Variants in CHSY3 observed in about 807,000 individuals in gnomAD.
The protein encoded by CHSY3 is N-acetylgalactosaminyl-proteoglycan 3-beta-glucuronosyltransferase 3.
A neutral mutation model predicts 67.2 loss-of-function variants in CHSY3; 35 were observed. The ratio of observed to expected loss-of-function variants is 0.52; its 90% CI spans 0.40 to 0.69. The LOEUF is 0.69. CHSY3 is among the 30% of genes least tolerant of loss of function. The pLI, the probability that CHSY3 is intolerant of heterozygous loss-of-function variation, is 0.00. For missense variants in CHSY3, 1,069 were observed against 1,138.5 expected, an observed-to-expected ratio of 0.94 and a Z score of 0.88; for synonymous variants, 474 against 434.7, an observed-to-expected ratio of 1.09 and a Z score of -1.12.
At chr5:129,982,329 C>G (rs1303082428) in intron 2 of CHSY3, among the ~76,000 whole-genome samples, 1 of 151,954 alleles carries the variant, frequency 6.6e-6, no homozygotes, top group South Asian at 2.1e-4. Flanking sequence ...GAACTCTACT[C>G]TAAAATGGTT....
rs184410067 is a variant in CHSY3 at position 130,104,331 on chromosome 5, G to A, written c.1087-79898G>A. ...TTTCTCATGGGAATCCTTTCTCACC[G>A]AAGAGTTACTTTACACGTGGTTTCA... is the stretch of plus-strand genomic sequence containing the variant. On this transcript the variant is annotated intron_variant, in intron 2 of 2. Coordinates refer to ENST00000305031, the MANE Select transcript of CHSY3 (RefSeq NM_175856.5). 1.1e-4 allele frequency among the ~76,000 whole-genome samples: 16 copies of A among 151,956 alleles called. No homozygotes were observed. The East Asian group carries it at 3.1e-3, about 29-fold the overall frequency.
intron 2 of CHSY3, among the ~76,000 whole-genome samples, chr5:130,086,433 C>G (rs1018691939): frequency 6.6e-6 from 1 of 151,692 alleles, no homozygotes; most frequent in Non-Finnish European, 1.5e-5. Flanking sequence ...GGATTGCAAC[C>G]CCTGCCTTTT....
intron 2 of CHSY3, among the ~76,000 whole-genome samples, chr5:130,051,665 G>A (rs529425957): frequency 6.6e-6 from 1 of 152,038 alleles, no homozygotes; most frequent in African/African-American, 2.4e-5. Flanking sequence ...TTGAGGAAAG[G>A]AAAAAAACTT....
chr5:129,948,707 T>C (rs1362058744), intron 2 of CHSY3, among the ~76,000 whole-genome samples: 1 of 152,216 alleles, frequency 6.6e-6, no homozygotes, highest in Non-Finnish European at 1.5e-5. Flanking sequence ...TACCCAGTAG[T>C]GGGATTGCTG....
At chr5:130,027,460 A>G (rs1016944386) in intron 2 of CHSY3, among the ~76,000 whole-genome samples, 5 of 151,990 alleles carry the variant, frequency 3.3e-5, no homozygotes, top group Non-Finnish European at 7.4e-5. Context: ...TTACATCTTA[A>G]TATATATTTT....
chr5:130,044,109 AG>A (rs1024518138), intron 2 of CHSY3, among the ~76,000 whole-genome samples: 9 of 152,176 alleles, frequency 5.9e-5, no homozygotes, highest in African/African-American at 2.2e-4. Flanking sequence ...TTAAAGGCCC[AG>A]GGTGAGATAA....
chr5:130,000,048 T>C (rs1399421296), intron 2 of CHSY3, among the ~76,000 whole-genome samples: 17 of 152,220 alleles, frequency 1.1e-4, no homozygotes, highest in Non-Finnish European at 1.8e-4. Context: ...CAGAAACAGC[T>C]AACTTTGAAC....
chr5:130,021,609 A>G (rs896753750), intron 2 of CHSY3, among the ~76,000 whole-genome samples: 5 of 152,140 alleles, frequency 3.3e-5, no homozygotes, highest in Admixed American at 2.6e-4. Context: ...ATACATATAT[A>G]CAAACATCAT....
chr5:130,143,797 T>A, intron 2 of CHSY3, among the ~76,000 whole-genome samples: 2 of 91,754 alleles, frequency 2.2e-5, no homozygotes, highest in South Asian at 8.8e-4. Context: ...TATATATATA[T>A]ATATATATGT....
In CHSY3 at chr5:130,184,818, G is replaced by A. The variant is rs150527948; in HGVS notation, c.1676G>A (p.Arg559His). Reference protein sequence around the residue: ...KGRKLTVPVRRHAYLQQLFSK... With the variant: ...KGRKLTVPVRHHAYLQQLFSK... ...AGGAAACTGACTGTGCCAGTGAGAC[G>A]TCATGCCTATCTTCAGCAGTTGTTC... The change falls in exon 3 of 3, where the codon CGT becomes CAT. Residue 559 changes from arginine (R) to histidine (H), a missense_variant. Physicochemically the swap from Arg to His is conservative, Grantham distance 29 (BLOSUM62 0). Coordinates refer to ENST00000305031, the MANE Select transcript of CHSY3 (RefSeq NM_175856.5). The A allele has an allele frequency of 5.6e-6, 9 of 1,610,522 alleles. No homozygotes were observed. The highest frequency in any genetic ancestry group is 4.0e-5 in the African/African-American group (3 of 74,856).
intron 2 of CHSY3, among the ~76,000 whole-genome samples, chr5:130,024,632 A>G (rs1032695728): frequency 6.6e-6 from 1 of 152,144 alleles, no homozygotes; most frequent in Admixed American, 6.6e-5. Flanking sequence ...TATTGACAAT[A>G]TGGAGAGTTA....
At chr5:129,905,736 C>T (rs1337437975) in intron 1 of CHSY3, 105 bp downstream of exon 1, 7 of 1,526,584 alleles carry the variant, frequency 4.6e-6, no homozygotes, top group Admixed American at 3.9e-5. Flanking sequence ...TCTGCCAGCA[C>T]GTGCTTCGGG....
intron 2 of CHSY3, among the ~76,000 whole-genome samples, chr5:130,069,291 A>G (rs973103603): frequency 6.6e-6 from 1 of 152,012 alleles, no homozygotes; most frequent in Non-Finnish European, 1.5e-5. Flanking sequence ...TTGATCTATG[A>G]CCAATAAAAT....
rs35333880 is a variant in CHSY3 at position 129,919,113 on chromosome 5, C to CAAAAA, written c.1086+10773_1086+10777dup. Among the ~76,000 whole-genome samples the CAAAAA allele has an allele frequency of 5.2e-4, 38 of 73,362 alleles. 1 individual carries two copies. Among genetic ancestry groups the CAAAAA allele is most frequent in the Non-Finnish European group, 6.2e-4 (26 of 42,232 alleles). 48.1% of individuals were successfully genotyped at this position (73,362 alleles called of 152,430 possible). On this transcript the variant is annotated intron_variant, in intron 2 of 2. Coordinates refer to ENST00000305031, the MANE Select transcript of CHSY3 (RefSeq NM_175856.5). ...TGGGCGACAGAGCGAGACTCCGTCT[C>CAAAAA]AAAAAAAAAAAAAAAAAAAAAAAAT...
intron 2 of CHSY3, among the ~76,000 whole-genome samples, chr5:130,135,040 C>A (rs1768613673): frequency 6.6e-6 from 1 of 151,738 alleles, no homozygotes. Context: ...ACCTTGTGTA[C>A]CTATAGTGTC....
intron 2 of CHSY3, among the ~76,000 whole-genome samples, chr5:130,109,822 G>A (rs1367737089): frequency 6.6e-6 from 1 of 151,692 alleles, no homozygotes; most frequent in East Asian, 1.9e-4. Flanking sequence ...TCCTATGTAG[G>A]TTTTATACAT....
intron 2 of CHSY3, among the ~76,000 whole-genome samples, chr5:129,953,060 C>T (rs970259826): frequency 3.3e-5 from 5 of 152,006 alleles, no homozygotes; most frequent in South Asian, 4.1e-4. Flanking sequence ...ATACACATGC[C>T]ATGGTGGTTT....
At chr5:130,125,562 A>AT (rs1008902052) in intron 2 of CHSY3, among the ~76,000 whole-genome samples, 17 of 152,352 alleles carry the variant, frequency 1.1e-4, no homozygotes, top group African/African-American at 3.6e-4. Context: ...ATGCTGAGCT[A>AT]TACATGATAA....
chr5:130,061,285 A>G (rs1177259907), intron 2 of CHSY3, among the ~76,000 whole-genome samples: 1 of 152,184 alleles, frequency 6.6e-6, no homozygotes, highest in African/African-American at 2.4e-5. Flanking sequence ...GACCTTTGAC[A>G]AAGTTGACAA....
Sources: gnomAD v4.1 joint callset for allele counts (sites outside exome capture counted in the v4.1 genomes callset) on GRCh38, gnomAD v4.1.1 for gene constraint, MANE v1.5 for transcripts, NCBI Gene and HGNC (gene_info 2026-07-23, HGNC 2026-07-21) for gene names.